Variants in EFHC1 observed in about 807,000 individuals in gnomAD.
EFHC1 encodes the protein EF-hand domain containing 1.
Under a neutral mutation model 69.9 loss-of-function variants are expected in EFHC1, and 53 were observed. The observed-to-expected ratio is 0.76, with a 90% CI of 0.61 to 0.95. EFHC1 has a LOEUF of 0.95. EFHC1 is among the 40% of genes least tolerant of loss of function. EFHC1 has a pLI of 0.00. For missense variants in EFHC1, 739 were observed against 798.7 expected (o/e 0.93, Z 0.90); for synonymous variants, 256 against 278.4 (o/e 0.92, Z 0.80).
At chr6:52,468,504 C>T (rs1249912456) in intron 6 of EFHC1, 2 of 152,148 alleles carry the variant, frequency 1.3e-5, no homozygotes, top group Non-Finnish European at 2.9e-5. Context: ...GAAGAAGGCC[C>T]AGAGGCTTTA....
chr6:52,480,698 G>C (rs528461908), intron 9 of EFHC1, among the ~76,000 whole-genome samples: 1 of 152,292 alleles, frequency 6.6e-6, no homozygotes, highest in East Asian at 1.9e-4. Flanking sequence ...AGTTAGCTGG[G>C]TGGATTTCTG....
chr6:52,421,159 C>A, intron 1 of EFHC1: 1 of 592,936 alleles, frequency 1.7e-6, no homozygotes, highest in South Asian at 7.4e-5. Context: ...CATCCTCTCC[C>A]CATTCCTTTC....
At chr6:52,437,894 A>G (rs1022453793) in intron 2 of EFHC1, among the ~76,000 whole-genome samples, 2 of 152,186 alleles carry the variant, frequency 1.3e-5, no homozygotes, top group African/African-American at 4.8e-5. Flanking sequence ...GGGGGACACA[A>G]TTTAGTCTGT....
At chr6:52,453,209 G>A in intron 4 of EFHC1, 1 of 1,299,424 alleles carries the variant, frequency 7.7e-7, no homozygotes, top group South Asian at 1.2e-5. Flanking sequence ...TCGATTATTA[G>A]GAAATTTCAC....
chr6:52,490,380 TGCAGAG>T, intron 10 of EFHC1, 30 bp downstream of exon 10: 1 of 1,583,654 alleles, frequency 6.3e-7, no homozygotes, highest in Non-Finnish European at 8.7e-7. Flanking sequence ...CTGAGTTCAT[TGCAGAG>T]GCTAGGCACT....
At chr6:52,424,881 A>G (rs1581810182) in intron 2 of EFHC1, among the ~76,000 whole-genome samples, 1 of 152,306 alleles carries the variant, frequency 6.6e-6, no homozygotes, top group East Asian at 1.9e-4. Flanking sequence ...TAATTTCCAG[A>G]TGAGCTTTAT....
At position 52,496,240 on chromosome 6, in the gene EFHC1, A is replaced by AATT. The variant is rs1766058320; in HGVS notation, c.*3904_*3906dup. ...CACACACACACAAAGAGAGAATGAG[A>AATT]ATTATTAAGATTAGCACTGGTAGCT... is the stretch of plus-strand genomic sequence containing the variant. On this transcript the variant is annotated 3_prime_UTR_variant, in exon 11 of 11. Coordinates refer to ENST00000371068, the MANE Select transcript of EFHC1 (RefSeq NM_018100.4). 1.3e-5 allele frequency: 2 copies of AATT among 154,420 alleles called. No individual in the cohort carries two copies. The allele number at this position is 154,420 out of a possible 1,614,324, so 9.6% of individuals were successfully genotyped here.
chr6:52,460,982 T>C (rs1765152151), intron 5 of EFHC1, among the ~76,000 whole-genome samples: 1 of 152,212 alleles, frequency 6.6e-6, no homozygotes, highest in Non-Finnish European at 1.5e-5. Flanking sequence ...ATTGAATTTG[T>C]GAGAGTTAAA....
chr6:52,452,555 GC>G, intron 3 of EFHC1, 132 bp from the exon 4 acceptor site: 1 of 993,556 alleles, frequency 1.0e-6, no homozygotes, highest in Non-Finnish European at 1.5e-6. Context: ...TCCTACCTCA[GC>G]CTCCCAAAGT....
At chr6:52,481,628 C>T (rs1287712702) in intron 9 of EFHC1, 1 of 151,682 alleles carries the variant, frequency 6.6e-6, no homozygotes, top group Non-Finnish European at 1.5e-5. Context: ...TGAGATCCTC[C>T]TTGAGTTCAG....
rs772572802 is a variant in EFHC1 at position 52,462,035 on chromosome 6, T to A, written c.917-2860T>A. ...AACATTTCTTTCAATAGTTGTTAGA[T>A]CAAAAAGACAAATCAATAAACAGGT... On this transcript the variant is annotated intron_variant, in intron 5 of 10. Coordinates refer to ENST00000371068, the MANE Select transcript of EFHC1 (RefSeq NM_018100.4). 3.3e-5 allele frequency among the ~76,000 whole-genome samples: 5 copies of A among 151,896 alleles called. No individual in the cohort carries two copies. In the South Asian group the frequency reaches 6.2e-4, roughly 19 times the overall value.
In EFHC1 at chr6:52,492,887, G is replaced by C. The variant is rs763334616; in HGVS notation, c.*546G>C. The C allele has an allele frequency of 6.6e-6, 3 of 453,908 alleles. No homozygotes were observed. The highest frequency in any genetic ancestry group is 1.6e-5 in the South Asian group (1 of 64,396). 28.1% of individuals were successfully genotyped at this position (453,908 alleles called of 1,614,324 possible). ...CCACCTCAGCCTCCAAAAGTGCTGGGATTATAGGCATGAGCCACTGTGCCC... is the reference window on the plus strand; with the variant it reads ...CCACCTCAGCCTCCAAAAGTGCTGGCATTATAGGCATGAGCCACTGTGCCC... On this transcript the variant is annotated 3_prime_UTR_variant, in exon 11 of 11. Coordinates refer to ENST00000371068, the MANE Select transcript of EFHC1 (RefSeq NM_018100.4).
At chr6:52,446,312 T>TAACG (rs1350225166) in intron 3 of EFHC1, among the ~76,000 whole-genome samples, 1 of 152,250 alleles carries the variant, frequency 6.6e-6, no homozygotes, top group East Asian at 1.9e-4. Context: ...TACCATTATG[T>TAACG]AACGACATTC....
rs986281740 is a variant in EFHC1 at position 52,443,010 on chromosome 6, T to C, written c.573+4419T>C. ...ATGCTAACTGGCATGAGATGTGTGG[T>C]TTTGATTTGCATTTCTCTGATGGCC... On this transcript the variant is annotated intron_variant, in intron 3 of 10. Transcript: ENST00000371068. Among the ~76,000 whole-genome samples, 5 of 152,290 alleles carry C rather than the reference T, an allele frequency of 3.3e-5. No individual in the cohort carries two copies. In the South Asian group the frequency reaches 1.0e-3, roughly 32 times the overall value.
chr6:52,456,733 G>A (rs751178304), intron 5 of EFHC1, among the ~76,000 whole-genome samples: 3 of 152,108 alleles, frequency 2.0e-5, no homozygotes, highest in Non-Finnish European at 4.4e-5. Flanking sequence ...GGCCAACATG[G>A]TGAAACCCCC....
At position 52,493,705 on chromosome 6, in the gene EFHC1, G is replaced by C. The variant is rs1435048402; in HGVS notation, c.*1364G>C. ...CTGCTTTTAGAGAGCCTGGCCTTGA[G>C]AGAGGAAGGAAAGACTAGTTGCAGT... On this transcript the variant is annotated 3_prime_UTR_variant, in exon 11 of 11. Coordinates refer to ENST00000371068, the MANE Select transcript of EFHC1 (RefSeq NM_018100.4). 2.2e-6 allele frequency: 1 copy of C among 453,768 alleles called. No homozygotes were observed. The highest frequency in any genetic ancestry group is 7.0e-5 in the East Asian group (1 of 14,382). 28.1% of individuals were successfully genotyped at this position (453,768 alleles called of 1,614,324 possible).
chr6:52,469,612 C>G, intron 7 of EFHC1, 139 bp downstream of exon 7: 1 of 1,244,978 alleles, frequency 8.0e-7, no homozygotes, highest in African/African-American at 1.5e-5. Context: ...TAGTACCCAG[C>G]CTTCAGGGAG....
chr6:52,441,257 T>C (rs1261212406), intron 3 of EFHC1, among the ~76,000 whole-genome samples: 1 of 152,190 alleles, frequency 6.6e-6, no homozygotes, highest in African/African-American at 2.4e-5. Context: ...CCAGGGTGTT[T>C]ATAGTTTTGG....
At chr6:52,490,462 C>A in intron 10 of EFHC1, 112 bp downstream of exon 10, 1 of 870,918 alleles carries the variant, frequency 1.1e-6, no homozygotes, top group Non-Finnish European at 1.9e-6. Flanking sequence ...TTAGGATGTT[C>A]AGATCAGATC....
Sources: allele counts gnomAD v4.1 joint callset (sites outside exome capture counted in the v4.1 genomes callset), GRCh38; gene constraint gnomAD v4.1.1; transcripts MANE v1.5; gene names NCBI Gene and HGNC (gene_info 2026-07-23, HGNC 2026-07-21).